The following TRIP4 variants were observed in gnomAD, a reference collection of about 807,000 sequenced individuals.
TRIP4 encodes thyroid hormone receptor interactor 4, also known as activating signal cointegrator 1.
Under a neutral mutation model 81.8 loss-of-function variants are expected in TRIP4, and 54 were observed. That is an observed-to-expected ratio of 0.66 (90% CI 0.53 to 0.83). The LOEUF (loss-of-function observed/expected upper bound fraction) is 0.83. TRIP4 is among the 40% of genes least tolerant of loss of function. The pLI is 0.00. For synonymous variants in TRIP4, 270 were observed against 242.8 expected (o/e 1.11, Z -1.04); for missense variants, 662 against 683.6 (o/e 0.97, Z 0.35).
intron 11 of TRIP4, among the ~76,000 whole-genome samples, chr15:64,436,227 G>A (rs1006862775): frequency 1.3e-5 from 2 of 151,828 alleles, no homozygotes; most frequent in African/African-American, 2.4e-5. Flanking sequence ...TCCAGGAGGC[G>A]GAGGTTGCAA....
At chr15:64,438,370 A>T (rs539746234) in intron 11 of TRIP4, among the ~76,000 whole-genome samples, 2 of 152,206 alleles carry the variant, frequency 1.3e-5, no homozygotes, top group Non-Finnish European at 2.9e-5. Flanking sequence ...CCTAGGCTGG[A>T]GTGCAATGGC....
intron 9 of TRIP4, among the ~76,000 whole-genome samples, chr15:64,419,098 A>C (rs1428797473): frequency 1.3e-5 from 2 of 152,138 alleles, no homozygotes; most frequent in Non-Finnish European, 2.9e-5. Context: ...AACCTTAATA[A>C]TTTGATCCTA....
chr15:64,412,671 G>T (rs1596345018), intron 7 of TRIP4, among the ~76,000 whole-genome samples: 1 of 152,170 alleles, frequency 6.6e-6, no homozygotes, highest in East Asian at 1.9e-4. Context: ...TGAAGGTCAA[G>T]TTTAGCCTTT....
At chr15:64,425,225 A>G (rs1892115521) in intron 10 of TRIP4, among the ~76,000 whole-genome samples, 2 of 152,048 alleles carry the variant, frequency 1.3e-5, no homozygotes, top group Non-Finnish European at 2.9e-5. Context: ...GCCAAACTCC[A>G]ATCTGATCCA....
At chr15:64,431,006 A>G (rs1195492028) in intron 11 of TRIP4, among the ~76,000 whole-genome samples, 1 of 152,182 alleles carries the variant, frequency 6.6e-6, no homozygotes, top group Non-Finnish European at 1.5e-5. Context: ...AGAGTATCCA[A>G]GCAACATAGA....
chr15:64,415,078 G>C (rs891020011), intron 8 of TRIP4, among the ~76,000 whole-genome samples: 3 of 151,310 alleles, frequency 2.0e-5, no homozygotes, highest in African/African-American at 7.3e-5. Context: ...CTGGGTGACA[G>C]AGTGAGACCC....
chr15:64,416,537 A>G (rs1891894472), intron 8 of TRIP4, among the ~76,000 whole-genome samples: 1 of 152,200 alleles, frequency 6.6e-6, no homozygotes. Context: ...AGCCTGGGCA[A>G]CAGAGCAAGA....
At chr15:64,438,445 A>G (rs1032244668) in intron 11 of TRIP4, among the ~76,000 whole-genome samples, 1 of 152,076 alleles carries the variant, frequency 6.6e-6, no homozygotes, top group Non-Finnish European at 1.5e-5. Flanking sequence ...TCAGCCTCCC[A>G]AGTAGCTGGG....
chr15:64,412,323 A>G (rs1318713674), intron 7 of TRIP4, among the ~76,000 whole-genome samples: 4 of 152,232 alleles, frequency 2.6e-5, no homozygotes, highest in Non-Finnish European at 4.4e-5. Context: ...TATACTTTTT[A>G]AAAGCTTCAG....
rs946985363 is a variant in TRIP4 at position 64,427,406 on chromosome 15, T to C, written c.1575+1775T>C. On this transcript the variant is annotated intron_variant, in intron 11 of 12. Transcript: ENST00000261884. ...CTCTTTATTTATTTTTTTTGGAAACTGGGTCTCACTCTGTCGTCCAGGCTG... is the reference window on the plus strand; with the variant it reads ...CTCTTTATTTATTTTTTTTGGAAACCGGGTCTCACTCTGTCGTCCAGGCTG... Among the ~76,000 whole-genome samples, 8 of 152,204 alleles carry C rather than the reference T, an allele frequency of 5.3e-5. No individual in the cohort carries two copies. The South Asian group carries it at 1.7e-3, about 32-fold the overall frequency.
intron 2 of TRIP4, 25 bp downstream of exon 2, chr15:64,394,140 G>A: frequency 6.5e-7 from 1 of 1,545,800 alleles, no homozygotes; most frequent in Non-Finnish European, 8.7e-7. Context: ...TTATGCAAAT[G>A]TTGAAATATT....
At chr15:64,399,611 C>T (rs1322345325) in intron 4 of TRIP4, among the ~76,000 whole-genome samples, 6 of 152,058 alleles carry the variant, frequency 3.9e-5, no homozygotes, top group African/African-American at 1.2e-4. Context: ...AAGTGATTCT[C>T]CTGCCTTAGC....
chr15:64,388,000 C>G, intron 1 of TRIP4, 36 bp downstream of exon 1: 1 of 1,529,648 alleles, frequency 6.5e-7, no homozygotes, highest in Non-Finnish European at 8.8e-7. Context: ...GGAAGGAGCT[C>G]TGGGATGTGC....
chr15:64,449,611 CTTAAA>C (rs142534662), intron 12 of TRIP4, among the ~76,000 whole-genome samples: 3,515 of 151,896 alleles, frequency 0.023, 59 homozygotes, highest in South Asian at 0.04. Context: ...GTATAAATGC[CTTAAA>C]TTAAAGGTGT....
intron 11 of TRIP4, among the ~76,000 whole-genome samples, chr15:64,436,238 T>G (rs930636908): frequency 6.6e-6 from 1 of 150,732 alleles, no homozygotes; most frequent in African/African-American, 2.5e-5. Flanking sequence ...GAGGTTGCAA[T>G]GAGCTGAGAT....
chr15:64,389,922 G>C (rs924767520), intron 1 of TRIP4, among the ~76,000 whole-genome samples: 1 of 149,816 alleles, frequency 6.7e-6, no homozygotes, highest in Non-Finnish European at 1.5e-5. Context: ...GGGTGGTCTC[G>C]AACTCCTGAC....
intron 9 of TRIP4, among the ~76,000 whole-genome samples, chr15:64,421,874 T>C (rs1596349960): frequency 6.6e-6 from 1 of 151,904 alleles, no homozygotes; most frequent in Non-Finnish European, 1.5e-5. Flanking sequence ...CGAAACCCCA[T>C]CTCTACTAAA....
intron 12 of TRIP4, 197 bp downstream of exon 12, chr15:64,445,305 G>A (rs1892603365): frequency 2.8e-6 from 1 of 355,664 alleles, no homozygotes; most frequent in Admixed American, 4.9e-5. Flanking sequence ...TTTTTGTCTT[G>A]CATCTTACTT....
intron 11 of TRIP4, among the ~76,000 whole-genome samples, chr15:64,431,128 A>G (rs1363749560): frequency 3.3e-5 from 5 of 152,208 alleles, no homozygotes; most frequent in African/African-American, 1.2e-4. Context: ...AGGATTTAAT[A>G]GTCAGTATTC....
Sources: gnomAD v4.1 joint callset for allele counts (sites outside exome capture counted in the v4.1 genomes callset) on GRCh38, gnomAD v4.1.1 for gene constraint, MANE v1.5 for transcripts, NCBI Gene and HGNC (gene_info 2026-07-23, HGNC 2026-07-21) for gene names.